CACNB2: variants seen among roughly 807,000 people sequenced by gnomAD.
CACNB2 encodes the protein calcium voltage-gated channel auxiliary subunit beta 2, also known as voltage-dependent L-type calcium channel subunit beta-2.
A neutral mutation model predicts 73.3 loss-of-function variants in CACNB2; 42 were observed. The ratio of observed to expected loss-of-function variants is 0.57; its 90% CI spans 0.45 to 0.74. The LOEUF (loss-of-function observed/expected upper bound fraction) is 0.74. Among genes scored for constraint, CACNB2 ranks in the 30% least tolerant of loss-of-function variants. The pLI is 0.00. For synonymous variants in CACNB2, 348 were observed against 310.3 expected (o/e 1.12, Z -1.28); for missense variants, 940 against 853.0 (o/e 1.10, Z -1.27).
chr10:18,500,386 T>C (rs1212394982), intron 4 of CACNB2, among the ~76,000 whole-genome samples: 1 of 152,228 alleles, frequency 6.6e-6, no homozygotes, highest in Non-Finnish European at 1.5e-5. Flanking sequence ...TCCTGTGACA[T>C]GAAATATTTA....
At chr10:18,156,882 A>G (rs2032084420) in intron 2 of CACNB2, among the ~76,000 whole-genome samples, 2 of 151,434 alleles carry the variant, frequency 1.3e-5, no homozygotes, top group Admixed American at 1.3e-4. Context: ...TAGAAAAAAA[A>G]AAAAAAATTG....
Position 18,285,457 on chromosome 10 carries a change from C to T in CACNB2, c.214-116467C>T, listed in dbSNP as rs189706586. ...CCAGGTGACAGCCAGCACTGTCTGC[C>T]ACTTGGGTGAGCCATCATGGATGTC... On this transcript the variant is annotated intron_variant, in intron 2 of 13. Coordinates refer to ENST00000324631, the MANE Select transcript of CACNB2 (RefSeq NM_201596.3). 7.0e-3 allele frequency among the ~76,000 whole-genome samples: 1,059 copies of T among 152,298 alleles called. 26 individuals carry two copies. Among genetic ancestry groups the T allele is most frequent in the Non-Finnish European group, 4.3e-3 (294 of 68,034 alleles).
rs560581482 is a variant in CACNB2, at chr10:18,247,658, G to A, written c.213+96683G>A. On this transcript the variant is annotated intron_variant, in intron 2 of 13. Coordinates refer to ENST00000324631, the MANE Select transcript of CACNB2 (RefSeq NM_201596.3). The stretch of plus-strand genomic sequence containing the variant: ...CTGCTGTAATGAAATAGCATCAATT[G>A]GGTGGCTTATCAAAAATGCATTTAT... Among the ~76,000 whole-genome samples the A allele has an allele frequency of 7.2e-5, 11 of 152,198 alleles. No individual in the cohort carries two copies. The South Asian group carries it at 1.7e-3, about 23-fold the overall frequency.
At chr10:18,351,751 A>G (rs942838207) in intron 2 of CACNB2, among the ~76,000 whole-genome samples, 2 of 152,226 alleles carry the variant, frequency 1.3e-5, no homozygotes, top group African/African-American at 2.4e-5. Context: ...GAATTAGGAA[A>G]GTTTTTCACA....
At chr10:18,249,136 G>A (rs2036985802) in intron 2 of CACNB2, among the ~76,000 whole-genome samples, 1 of 152,142 alleles carries the variant, frequency 6.6e-6, no homozygotes, top group East Asian at 1.9e-4. Flanking sequence ...TTTCATCTGA[G>A]AAAATAGCAA....
At chr10:18,429,952 G>A (rs1233530135) in intron 3 of CACNB2, among the ~76,000 whole-genome samples, 1 of 151,978 alleles carries the variant, frequency 6.6e-6, no homozygotes, top group Non-Finnish European at 1.5e-5. Flanking sequence ...GCACTCTACT[G>A]TGGGTGACAC....
chr10:18,527,919 T>C (rs2052639227), intron 10 of CACNB2, among the ~76,000 whole-genome samples: 1 of 152,228 alleles, frequency 6.6e-6, no homozygotes. Flanking sequence ...ATTAATGTTT[T>C]GGTTGTGGTT....
intron 1 of CACNB2, among the ~76,000 whole-genome samples, chr10:18,142,937 T>C (rs1454618292): frequency 6.6e-6 from 1 of 152,184 alleles, no homozygotes; most frequent in Non-Finnish European, 1.5e-5. Context: ...ACTTCATTGA[T>C]GAGGTGGCAT....
At chr10:18,514,932 AG>A (rs1378374295) in intron 7 of CACNB2, 1 of 1,326,250 alleles carries the variant, frequency 7.5e-7, no homozygotes, top group Non-Finnish European at 1.1e-6. Flanking sequence ...TAAAAAAAAA[AG>A]TATTCAAGTT....
chr10:18,351,653 A>T (rs1468339709), intron 2 of CACNB2, among the ~76,000 whole-genome samples: 2 of 152,242 alleles, frequency 1.3e-5, no homozygotes, highest in Non-Finnish European at 2.9e-5. Context: ...GTGTATTTGC[A>T]TAATTTCCTC....
At chr10:18,374,674 A>C (rs2132316803) in intron 2 of CACNB2, among the ~76,000 whole-genome samples, 1 of 152,348 alleles carries the variant, frequency 6.6e-6, no homozygotes, top group Non-Finnish European at 1.5e-5. Context: ...TATTCTCCAC[A>C]GTAGTTCAAC....
At chr10:18,472,908 GT>G (rs2048264653) in intron 3 of CACNB2, among the ~76,000 whole-genome samples, 1 of 152,150 alleles carries the variant, frequency 6.6e-6, no homozygotes, top group Admixed American at 6.5e-5. Context: ...TGTGCCATTT[GT>G]ATTTTCAACA....
In CACNB2 at chr10:18,149,106, C is replaced by T. The variant is rs1436416429; in HGVS notation, c.121-1777C>T. Among the ~76,000 whole-genome samples, 7 of 151,660 alleles carry T rather than the reference C, an allele frequency of 4.6e-5. No individual in the cohort carries two copies. The East Asian group carries it at 7.7e-4, about 17-fold the overall frequency. On this transcript the variant is annotated intron_variant, in intron 1 of 13. Transcript: ENST00000324631. ...AAACGGTGAATTTAACAAAGATTGT[C>T]GCTACACCCCCAAAGAAACAGGCCT...
chr10:18,187,385 C>T (rs1329279153), intron 2 of CACNB2, among the ~76,000 whole-genome samples: 1 of 152,156 alleles, frequency 6.6e-6, no homozygotes, highest in African/African-American at 2.4e-5. Context: ...TCAGAATGTG[C>T]ACTATGCATT....
intron 3 of CACNB2, among the ~76,000 whole-genome samples, chr10:18,413,476 T>C (rs1263622472): frequency 6.6e-6 from 1 of 152,224 alleles, no homozygotes; most frequent in African/African-American, 2.4e-5. Context: ...TGGATCTCTG[T>C]CGGTTCTGCC....
intron 2 of CACNB2, among the ~76,000 whole-genome samples, chr10:18,233,988 A>G (rs1564364739): frequency 6.6e-6 from 1 of 152,178 alleles, no homozygotes; most frequent in Non-Finnish European, 1.5e-5. Flanking sequence ...TAAGACTGCA[A>G]TCCAATAAAG....
rs1256388098 is a variant in CACNB2, at chr10:18,226,586, T to C, written c.213+75611T>C. ...ACCTGATCTTCCTGTTTGTTGCTTC[T>C]ACGATCTGCCGGCACTTCTTGAGAT... On this transcript the variant is annotated intron_variant, in intron 2 of 13. Transcript: ENST00000324631. Among the ~76,000 whole-genome samples, 3 of 152,338 alleles carry C rather than the reference T, an allele frequency of 2.0e-5. No homozygotes were observed. The East Asian group carries it at 5.8e-4, about 29-fold the overall frequency.
chr10:18,388,725 G>A lies in CACNB2; in HGVS notation c.214-13199G>A, dbSNP rs548074216. On this transcript the variant is annotated intron_variant, in intron 2 of 13. Coordinates refer to ENST00000324631, the MANE Select transcript of CACNB2 (RefSeq NM_201596.3). The stretch of plus-strand genomic sequence containing the variant: ...CATAGGAGAAAAATCCAGTATTTCA[G>A]GTAGACACTTAAATAATCATTTCTA... Among the ~76,000 whole-genome samples, 3 of 152,148 alleles carry A rather than the reference G, an allele frequency of 2.0e-5. No individual in the cohort carries two copies. The East Asian group carries it at 5.8e-4, about 29-fold the overall frequency.
chr10:18,474,281 A>G (rs556288242), intron 3 of CACNB2, among the ~76,000 whole-genome samples: 65 of 152,284 alleles, frequency 4.3e-4, no homozygotes, highest in African/African-American at 1.4e-3. Flanking sequence ...CCGGAGGGGC[A>G]GGGGGACTCT....
Sources: gnomAD v4.1 joint callset for allele counts (sites outside exome capture counted in the v4.1 genomes callset) on GRCh38, gnomAD v4.1.1 for gene constraint, MANE v1.5 for transcripts, NCBI Gene and HGNC (gene_info 2026-07-23, HGNC 2026-07-21) for gene names.